TOGARAM2: variants seen among roughly 807,000 people sequenced by gnomAD.
TOGARAM2 encodes TOG array regulator of axonemal microtubules protein 2.
Under a neutral mutation model 93.3 loss-of-function variants are expected in TOGARAM2, and 85 were observed. That is an observed-to-expected ratio of 0.91 (90% CI 0.76 to 1.09). The LOEUF is 1.09. TOGARAM2 is among the 50% of genes least tolerant of loss of function. The pLI, the probability that TOGARAM2 is intolerant of heterozygous loss-of-function variation, is 0.00. For missense variants in TOGARAM2, 1,277 were observed against 1,334.5 expected (o/e 0.96, Z 0.67); for synonymous variants, 593 against 552.8 (o/e 1.07, Z -1.02).
rs761897885 is a variant in TOGARAM2 at position 29,024,257 on chromosome 2, A to G, written c.1736A>G (p.Gln579Arg). 6.2e-7 allele frequency: 1 copy of G among 1,612,898 alleles called. No homozygotes were observed. Among genetic ancestry groups the G allele is most frequent in the Non-Finnish European group, 8.5e-7 (1 of 1,179,428 alleles). Residue 579 changes from glutamine to arginine, a missense_variant, in exon 13 of 20, where the codon CAG becomes CGG. Gln to Arg is a conservative substitution (Grantham distance 43). Transcript: ENST00000379558. ...GAGGAGATCGCCCGCTGCTTGCTGCAGAAGATGGCGGACACCAACGAGTTC... is the reference window on the plus strand; with the variant it reads ...GAGGAGATCGCCCGCTGCTTGCTGCGGAAGATGGCGGACACCAACGAGTTC... ...EAEEIARCLL[Q>R]KMADTNEFIQ... is the part of the protein sequence containing the mutation.
intron 3 of TOGARAM2, 26 bp downstream of exon 3, chr2:28,998,279 C>A: frequency 1.3e-6 from 2 of 1,558,300 alleles, no homozygotes; most frequent in South Asian, 1.2e-5. Context: ...CTCACCTGGT[C>A]AGGGCCCCTG....
rs368747626 is a variant in TOGARAM2 at position 28,997,713 on chromosome 2, G to T, written c.29-430G>T. The stretch of plus-strand genomic sequence containing the variant: ...GGTGGGATTGGTCAGGGCGGAAGCC[G>T]TAGGGTAGGGGATTATCTGCAGGGT... On this transcript the variant is annotated intron_variant, in intron 2 of 19. Coordinates refer to ENST00000379558, the MANE Select transcript of TOGARAM2 (RefSeq NM_199280.4). Among the ~76,000 whole-genome samples, 193 of 152,332 alleles carry T rather than the reference G, an allele frequency of 1.3e-3. 2 individuals are homozygous for T. Among genetic ancestry groups the T allele is most frequent in the African/African-American group, 4.5e-3 (188 of 41,570 alleles).
At chr2:28,985,775 AAT>A (rs1054509912) in intron 1 of TOGARAM2, among the ~76,000 whole-genome samples, 2 of 152,216 alleles carry the variant, frequency 1.3e-5, no homozygotes, top group Admixed American at 6.5e-5. Flanking sequence ...TGAATGTACA[AAT>A]ATGTACAGTC....
chr2:29,023,014 C>A, intron 11 of TOGARAM2, 72 bp from the exon 12 acceptor site: 1 of 1,363,820 alleles, frequency 7.3e-7, no homozygotes, highest in Non-Finnish European at 1.0e-6. Context: ...TGATGTGGGG[C>A]CCCTAGTCTG....
chr2:29,011,390 C>G, intron 6 of TOGARAM2, 65 bp from the exon 7 acceptor site: 1 of 1,528,032 alleles, frequency 6.5e-7, no homozygotes. Context: ...CCACCCTGGG[C>G]TCCCCCAGCA....
Position 29,051,904 on chromosome 2 carries a change from C to G in TOGARAM2, c.2871C>G (p.Ser957=). 1 of 1,586,788 alleles carries G rather than the reference C, an allele frequency of 6.3e-7. No homozygotes were observed. Among genetic ancestry groups the G allele is most frequent in the Non-Finnish European group, 8.6e-7 (1 of 1,167,100 alleles). ...GNIRGVVCRL[S]RSLQEHMGSR... is the part of the protein sequence containing the mutation. ...TCCGCGGGGTGGTGTGCCGGCTGTC[C>G]AGGAGCCTCCAGGAGCACATGGGCT... Residue 957 remains serine, a synonymous_variant, in exon 20 of 20, where the codon TCC becomes TCG. Transcript: ENST00000379558.
Position 29,051,750 on chromosome 2 carries a change from T to C in TOGARAM2, c.2723-6T>C. On this transcript the variant is annotated splice_region_variant and splice_polypyrimidine_tract_variant and intron_variant, in intron 19 of 19. Transcript: ENST00000379558. Reference sequence around the variant, plus strand: ...GCTCAAGTGACTCTCCTTTTCTGCCTGACAGTGCTGGTGGCCTCAGTTTAC... The same window carrying C: ...GCTCAAGTGACTCTCCTTTTCTGCCCGACAGTGCTGGTGGCCTCAGTTTAC... 6.7e-7 allele frequency: 1 copy of C among 1,484,550 alleles called. No individual in the cohort carries two copies. Among genetic ancestry groups the C allele is most frequent in the Non-Finnish European group, 9.0e-7 (1 of 1,108,504 alleles). 92.0% of individuals were successfully genotyped at this position (1,484,550 alleles called of 1,614,324 possible). A position where few individuals can be genotyped will look rare whatever the true frequency, so the allele number is the denominator to read the frequency against.
rs774387816 is a variant in TOGARAM2 at position 29,035,550 on chromosome 2, C to T, written c.2312C>T (p.Thr771Ile). The T allele has an allele frequency of 6.3e-7, 1 of 1,583,648 alleles. No individual in the cohort carries two copies. Among genetic ancestry groups the T allele is most frequent in the Non-Finnish European group, 8.6e-7 (1 of 1,164,866 alleles). Reference protein sequence around the residue: ...GEMVEQLRELTRLLEAKDFRS... With the variant: ...GEMVEQLRELIRLLEAKDFRS... ...ATGGTGGAGCAGCTACGGGAGCTGA[C>T]ACGGCTGCTGGAGGCCAAGGACTTC... Residue 771 changes from threonine to isoleucine, a missense_variant, in exon 17 of 20, where the codon ACA becomes ATA. Thr to Ile is a moderately conservative substitution (Grantham distance 89). Transcript: ENST00000379558.
intron 18 of TOGARAM2, among the ~76,000 whole-genome samples, chr2:29,040,963 C>T (rs368802792): frequency 2.2e-4 from 33 of 151,578 alleles, no homozygotes; most frequent in African/African-American, 8.0e-4. Flanking sequence ...CATTTGGATT[C>T]GCATCCTGCT....
chr2:29,042,057 A>T (rs966538234), intron 18 of TOGARAM2, among the ~76,000 whole-genome samples: 2 of 152,246 alleles, frequency 1.3e-5, no homozygotes, highest in African/African-American at 4.8e-5. Flanking sequence ...TGGCTTGTCC[A>T]ATGTTCCACA....
chr2:29,038,492 G>A (rs963411289), intron 18 of TOGARAM2, among the ~76,000 whole-genome samples: 2 of 152,084 alleles, frequency 1.3e-5, no homozygotes, highest in African/African-American at 4.8e-5. Context: ...TTGTTTTTTC[G>A]AGATGGAATT....
At chr2:28,957,952 A>G (rs538171274) in intron 1 of TOGARAM2, among the ~76,000 whole-genome samples, 2 of 152,294 alleles carry the variant, frequency 1.3e-5, no homozygotes, top group East Asian at 1.9e-4. Context: ...ACAGTTGAGC[A>G]ACTAATTAGG....
At chr2:29,011,574 A>G in intron 7 of TOGARAM2, 73 bp downstream of exon 7, 1 of 1,427,590 alleles carries the variant, frequency 7.0e-7, no homozygotes, top group Non-Finnish European at 9.5e-7. Flanking sequence ...AGGGAAACAG[A>G]ATTAGGGCCA....
Position 28,994,803 on chromosome 2 carries a change from G to A in TOGARAM2, c.-32G>A, listed in dbSNP as rs1266158312. ...GCCCAGAAATAGCTGCTGCCTCTGG[G>A]CAACCTTGTAGGCACCTTCTCCACC... On this transcript the variant is annotated 5_prime_UTR_variant, in exon 2 of 20. Transcript: ENST00000379558. 6.4e-7 allele frequency: 1 copy of A among 1,551,682 alleles called. No individual in the cohort carries two copies. Among genetic ancestry groups the A allele is most frequent in the Non-Finnish European group, 8.7e-7 (1 of 1,146,958 alleles).
intron 7 of TOGARAM2, among the ~76,000 whole-genome samples, chr2:29,012,403 G>T (rs959412497): frequency 6.6e-6 from 1 of 152,206 alleles, no homozygotes; most frequent in Non-Finnish European, 1.5e-5. Context: ...AAACCTCTGC[G>T]GCAGCTGCTT....
At chr2:29,032,864 A>T in intron 14 of TOGARAM2, 70 bp from the exon 15 acceptor site, 1 of 1,294,680 alleles carries the variant, frequency 7.7e-7, no homozygotes, top group Non-Finnish European at 1.1e-6. Flanking sequence ...AAGATTATGT[A>T]AAGCTGTAAA....
chr2:28,979,942 T>A (rs974154714), upstream of TOGARAM2, among the ~76,000 whole-genome samples: 1 of 152,166 alleles, frequency 6.6e-6, no homozygotes, highest in African/African-American at 2.4e-5. Context: ...CCTTGTCACG[T>A]CCCCGCCCTG....
chr2:29,051,332 G>C (rs1667050104), intron 19 of TOGARAM2: 2 of 156,092 alleles, frequency 1.3e-5, no homozygotes, highest in African/African-American at 4.8e-5. Context: ...TTATGGGTTT[G>C]GAAAAGGCTC....
chr2:28,961,684 G>T (rs1306700718), intron 1 of TOGARAM2, among the ~76,000 whole-genome samples: 1 of 152,132 alleles, frequency 6.6e-6, no homozygotes, highest in African/African-American at 2.4e-5. Flanking sequence ...AAGTGTAAAG[G>T]TCAATGAGTT....
Sources: gnomAD v4.1 joint callset for allele counts (sites outside exome capture counted in the v4.1 genomes callset) on GRCh38, gnomAD v4.1.1 for gene constraint, MANE v1.5 for transcripts, NCBI Gene and HGNC (gene_info 2026-07-23, HGNC 2026-07-21) for gene names.